The following COL26A1 variants were observed in gnomAD, a reference collection of about 807,000 sequenced individuals.
COL26A1 encodes collagen type XXVI alpha 1 chain, also known as collagen alpha-1(XXVI) chain.
COL26A1 carries 41 observed loss-of-function variants against 59.3 expected under a neutral mutation model. The ratio of observed to expected loss-of-function variants is 0.69; its 90% CI spans 0.54 to 0.90. The LOEUF (loss-of-function observed/expected upper bound fraction) is 0.90. COL26A1 is among the 40% of genes least tolerant of loss of function. COL26A1 has a pLI of 0.00. For missense variants in COL26A1, 612 were observed against 602.3 expected (o/e 1.02, Z -0.17); for synonymous variants, 266 against 256.0 (o/e 1.04, Z -0.37).
chr7:101,375,584 C>G (rs1437853662), intron 1 of COL26A1, among the ~76,000 whole-genome samples: 1 of 151,786 alleles, frequency 6.6e-6, no homozygotes, highest in Non-Finnish European at 1.5e-5. Context: ...CTTGCAATCT[C>G]AGCTACTTGG....
chr7:101,471,296 G>A (rs1793891943), intron 3 of COL26A1, among the ~76,000 whole-genome samples: 3 of 152,180 alleles, frequency 2.0e-5, no homozygotes, highest in Non-Finnish European at 4.4e-5. Context: ...TAGGGTGGCT[G>A]ATGTGGAGCC....
intron 3 of COL26A1, among the ~76,000 whole-genome samples, chr7:101,465,323 AGCCACCAC>A (rs1793731013): frequency 6.6e-6 from 1 of 152,006 alleles, no homozygotes; most frequent in Non-Finnish European, 1.5e-5. Context: ...TGCAGATGTG[AGCCACCAC>A]GCCCAGGCTC....
intron 3 of COL26A1, among the ~76,000 whole-genome samples, chr7:101,530,566 TAAAAAAAAAA>T (rs558473831): frequency 1.1e-5 from 1 of 90,246 alleles, no homozygotes; most frequent in African/African-American, 4.8e-5. Flanking sequence ...ACTCTGTCTT[TAAAAAAAAAA>T]AAAAAAAAAA....
chr7:101,555,983 G>A lies in COL26A1; in HGVS notation c.1165+112G>A, dbSNP rs572093543. 14 of 835,910 alleles carry A rather than the reference G, an allele frequency of 1.7e-5. No homozygotes were observed. The South Asian group carries it at 2.2e-4, about 13-fold the overall frequency. The allele number at this position is 835,910 out of a possible 1,614,324, so 51.8% of individuals were successfully genotyped here. On this transcript the variant is annotated intron_variant, in intron 12 of 12. Coordinates refer to ENST00000313669, the MANE Select transcript of COL26A1 (RefSeq NM_001278563.3). ...CTCTGGTCTCCCTCCCTTGCCCCTA[G>A]TCTGACCCTCCCCCTCCCCTGCTCA... is the stretch of plus-strand genomic sequence containing the variant.
At chr7:101,434,603 TGTGA>T (rs1792871977) in intron 2 of COL26A1, among the ~76,000 whole-genome samples, 1 of 151,292 alleles carries the variant, frequency 6.6e-6, no homozygotes, top group Non-Finnish European at 1.5e-5. Flanking sequence ...TTGTATTGTG[TGTGA>T]GTGAGTGTGT....
chr7:101,483,474 G>A (rs1794198223), intron 3 of COL26A1, among the ~76,000 whole-genome samples: 1 of 151,902 alleles, frequency 6.6e-6, no homozygotes, highest in Admixed American at 6.6e-5. Context: ...GGGATTACAG[G>A]CATGAGCCAC....
At chr7:101,443,601 A>G (rs778271897) in intron 2 of COL26A1, among the ~76,000 whole-genome samples, 5 of 152,150 alleles carry the variant, frequency 3.3e-5, no homozygotes, top group Non-Finnish European at 7.3e-5. Flanking sequence ...ACATTGTGCA[A>G]ACTTGATCAA....
chr7:101,429,988 A>G (rs1195758784), intron 2 of COL26A1, among the ~76,000 whole-genome samples: 1 of 152,076 alleles, frequency 6.6e-6, no homozygotes. Context: ...TCTTGATGGG[A>G]TTTTTTAAAA....
intron 3 of COL26A1, among the ~76,000 whole-genome samples, chr7:101,527,074 A>C (rs1044094125): frequency 1.3e-5 from 2 of 152,044 alleles, no homozygotes; most frequent in Non-Finnish European, 2.9e-5. Flanking sequence ...AGGCTCAAGC[A>C]ATCCTCCCAC....
intron 2 of COL26A1, among the ~76,000 whole-genome samples, chr7:101,430,094 T>G: frequency 6.6e-6 from 1 of 152,150 alleles, no homozygotes; most frequent in East Asian, 1.9e-4. Context: ...CTCTCTCCAT[T>G]TACTTAGATC....
Position 101,527,826 on chromosome 7 carries a change from T to C in COL26A1, c.386-5256T>C, listed in dbSNP as rs1795282578. Among the ~76,000 whole-genome samples, 3 of 152,046 alleles carry C rather than the reference T, an allele frequency of 2.0e-5. No homozygotes were observed. The South Asian group carries it at 6.2e-4, about 32-fold the overall frequency. ...TGTGTTCTCGGAGGGGCCAGGCATT[T>C]GGGACACTTCATAATCCTGGAAAGT... On this transcript the variant is annotated intron_variant, in intron 3 of 12. Transcript: ENST00000313669.
At chr7:101,503,467 C>T (rs1005555805) in intron 3 of COL26A1, among the ~76,000 whole-genome samples, 17 of 152,084 alleles carry the variant, frequency 1.1e-4, no homozygotes, top group African/African-American at 3.9e-4. Context: ...ATTGCAGCCT[C>T]AAATTCCTGG....
At chr7:101,391,533 A>G (rs1791728419) in intron 1 of COL26A1, among the ~76,000 whole-genome samples, 2 of 152,154 alleles carry the variant, frequency 1.3e-5, no homozygotes, top group Admixed American at 6.6e-5. Context: ...GGAAGGAGAC[A>G]TTGATCTCTG....
At chr7:101,556,302 T>G (rs1428635410) in intron 12 of COL26A1, among the ~76,000 whole-genome samples, 1 of 152,242 alleles carries the variant, frequency 6.6e-6, no homozygotes, top group African/African-American at 2.4e-5. Flanking sequence ...TGTGACCCTC[T>G]GGGAGTCCCT....
intron 6 of COL26A1, among the ~76,000 whole-genome samples, chr7:101,545,084 T>G (rs779883207): frequency 6.6e-6 from 1 of 152,080 alleles, no homozygotes; most frequent in Non-Finnish European, 1.5e-5. Flanking sequence ...CTTTGCTGAT[T>G]TCACCGTCCC....
At chr7:101,488,316 T>C (rs771263269) in intron 3 of COL26A1, among the ~76,000 whole-genome samples, 4 of 146,702 alleles carry the variant, frequency 2.7e-5, no homozygotes, top group Non-Finnish European at 4.5e-5. Flanking sequence ...ATAAAATACA[T>C]TTTAACATTT....
chr7:101,555,318 C>G (rs1046283057), intron 11 of COL26A1, among the ~76,000 whole-genome samples: 1 of 152,220 alleles, frequency 6.6e-6, no homozygotes, highest in Non-Finnish European at 1.5e-5. Context: ...CACACCTACC[C>G]TGCCCCTTGC....
chr7:101,452,568 G>A (rs1485610369), intron 3 of COL26A1, among the ~76,000 whole-genome samples: 1 of 152,126 alleles, frequency 6.6e-6, no homozygotes, highest in East Asian at 1.9e-4. Context: ...ACCAAAGGAT[G>A]TACTTACAGA....
chr7:101,392,424 T>C (rs1859635), intron 1 of COL26A1, among the ~76,000 whole-genome samples: 117,585 of 138,442 alleles, frequency 0.85, 50,105 homozygotes, highest in African/African-American at 0.89. Context: ...TTTTTTAAGA[T>C]GGAGTCTCAC....
Sources: allele counts gnomAD v4.1 joint callset (sites outside exome capture counted in the v4.1 genomes callset), GRCh38; gene constraint gnomAD v4.1.1; transcripts MANE v1.5; gene names NCBI Gene and HGNC (gene_info 2026-07-23, HGNC 2026-07-21).